Variants in PPARA observed in about 807,000 individuals in gnomAD.
The protein encoded by PPARA is peroxisome proliferator activated receptor alpha.
In PPARA, 22 loss-of-function variants were observed where a neutral mutation model predicts 42.2. The ratio of observed to expected loss-of-function variants is 0.52; its 90% CI spans 0.37 to 0.74. PPARA has a LOEUF of 0.74. Among genes scored for constraint, PPARA ranks in the 30% least tolerant of loss-of-function variants. The probability of loss-of-function intolerance (pLI) is 0.00; values close to 1 mark genes in which losing one functional copy is unlikely to be tolerated. For missense variants in PPARA, 465 were observed against 608.2 expected (o/e 0.76, Z 2.48); for synonymous variants, 242 against 239.3 (o/e 1.01, Z -0.10).
In PPARA at chr22:46,174,266, G is replaced by A. The variant is rs5769243; in HGVS notation, c.-126-2487G>A. ...AGAAAGAAAGAAGGAAGGAAGGAAG[G>A]AAGGAAGGAAATTATGATAAAGCAG... On this transcript the variant is annotated intron_variant, in intron 2 of 8. Coordinates refer to ENST00000407236, the MANE Select transcript of PPARA (RefSeq NM_005036.6). 5.4e-3 allele frequency among the ~76,000 whole-genome samples: 349 copies of A among 64,572 alleles called. 28 individuals are homozygous for A. The highest frequency in any genetic ancestry group is 0.016 in the South Asian group (15 of 944). 42.4% of individuals were successfully genotyped at this position (64,572 alleles called of 152,430 possible). A position where few individuals can be genotyped will look rare whatever the true frequency, so the allele number is the denominator to read the frequency against.
At chr22:46,210,323 A>AC (rs1933804626) in intron 4 of PPARA, among the ~76,000 whole-genome samples, 1 of 151,892 alleles carries the variant, frequency 6.6e-6, no homozygotes, top group South Asian at 2.1e-4. Flanking sequence ...AAAAAAAAAA[A>AC]AAAAAACTCT....
rs1935997349 is a variant in PPARA at position 46,233,098 on chromosome 22, AT to A, written c.1159+860del. 6.6e-6 allele frequency among the ~76,000 whole-genome samples: 1 copy of A among 151,798 alleles called. No homozygotes were observed. The highest frequency in any genetic ancestry group is 1.5e-5 in the Non-Finnish European group (1 of 67,964). ...ATTATGATATTCCTGTATATATTATATAATGATGTTGTATTCATATTATAGA... is the reference window on the plus strand; with the variant it reads ...ATTATGATATTCCTGTATATATTATAAATGATGTTGTATTCATATTATAGA... On this transcript the variant is annotated intron_variant, in intron 8 of 8. Transcript: ENST00000407236. The surrounding 1 kb of genome is among the most constrained non-coding windows in gnomAD (Gnocchi z 7.3).
rs1381728983 is a variant in PPARA, at chr22:46,224,176, C to T, written c.711+4162C>T. On this transcript the variant is annotated intron_variant, in intron 7 of 8. Coordinates refer to ENST00000407236, the MANE Select transcript of PPARA (RefSeq NM_005036.6). This position sits in a 1 kb window ranked among gnomAD's most constrained non-coding sequence, Gnocchi z 5.7. ...CACTGTTTGCTCCAAGCCAGGGTTG[C>T]GTCCCACCCCATGTCCTTGTCTGCG... is the stretch of plus-strand genomic sequence containing the variant. Among the ~76,000 whole-genome samples, 51 of 152,208 alleles carry T rather than the reference C, an allele frequency of 3.4e-4. 1 individual carries two copies. Among genetic ancestry groups the T allele is most frequent in the Admixed American group, 3.0e-3 (46 of 15,278 alleles).
chr22:46,151,426 C>T (rs1313247946), intron 1 of PPARA, among the ~76,000 whole-genome samples: 1 of 152,238 alleles, frequency 6.6e-6, no homozygotes, highest in Admixed American at 6.5e-5. Context: ...GCGGGTGAAG[C>T]TGGAGGGGCG....
chr22:46,189,426 T>G (rs1398175942), intron 3 of PPARA, among the ~76,000 whole-genome samples: 1 of 152,234 alleles, frequency 6.6e-6, no homozygotes, highest in African/African-American at 2.4e-5. Context: ...TTGTCACTCT[T>G]GTTTATGTGC....
At chr22:46,152,711 A>T (rs1924627239) in intron 2 of PPARA, among the ~76,000 whole-genome samples, 1 of 152,178 alleles carries the variant, frequency 6.6e-6, no homozygotes, top group African/African-American at 2.4e-5. Flanking sequence ...GCCAGATGAT[A>T]CAAATTTGTG....
In PPARA at chr22:46,222,520, G is replaced by C. The variant is rs1055689629; in HGVS notation, c.711+2506G>C. Among the ~76,000 whole-genome samples, 1 of 152,094 alleles carries C rather than the reference G, an allele frequency of 6.6e-6. No homozygotes were observed. The highest frequency in any genetic ancestry group is 1.5e-5 in the Non-Finnish European group (1 of 68,030). ...CTTCAGTGAATTCTCCAATTAAATA[G>C]GCCGAGACATTTTAGAAGTTTCCAG... is the stretch of plus-strand genomic sequence containing the variant. On this transcript the variant is annotated intron_variant, in intron 7 of 8. Coordinates refer to ENST00000407236, the MANE Select transcript of PPARA (RefSeq NM_005036.6). The surrounding 1 kb of genome is among the most constrained non-coding windows in gnomAD (Gnocchi z 5.9).
intron 2 of PPARA, among the ~76,000 whole-genome samples, chr22:46,168,886 A>G (rs1425193347): frequency 6.6e-6 from 1 of 151,994 alleles, no homozygotes; most frequent in Non-Finnish European, 1.5e-5. Context: ...TACCACTTAC[A>G]TTATTATCGA....
chr22:46,229,063 C>T (rs1036907895), intron 7 of PPARA, among the ~76,000 whole-genome samples: 4 of 150,488 alleles, frequency 2.7e-5, no homozygotes, highest in Admixed American at 6.6e-5. Flanking sequence ...GCCAAGATCA[C>T]GCCACTGCAC....
At chr22:46,223,564 A>C (rs998546758) in intron 7 of PPARA, among the ~76,000 whole-genome samples, 1 of 149,990 alleles carries the variant, frequency 6.7e-6, no homozygotes, top group African/African-American at 2.5e-5. Context: ...AATTGCTTGA[A>C]CCTGGAAGGC....
chr22:46,189,714 T>G (rs1444093886), intron 3 of PPARA, among the ~76,000 whole-genome samples: 1 of 148,754 alleles, frequency 6.7e-6, no homozygotes, highest in Non-Finnish European at 1.5e-5. Flanking sequence ...TTTTTTTTCT[T>G]TTTTTTTTTT....
At position 46,231,675 on chromosome 22, in the gene PPARA, T is replaced by C. The variant is rs1935881980; in HGVS notation, c.712-117T>C. 5 of 1,048,908 alleles carry C rather than the reference T, an allele frequency of 4.8e-6. No individual in the cohort carries two copies. The South Asian group carries it at 6.8e-5, about 14-fold the overall frequency. The allele number at this position is 1,048,908 out of a possible 1,614,324, so 65.0% of individuals were successfully genotyped here. A position where few individuals can be genotyped will look rare whatever the true frequency, so the allele number is the denominator to read the frequency against. ...GACTATGTTCCGCGGGTATCTTGAG[T>C]CCTCTGAGGCACTGAGCTTGGTGAT... On this transcript the variant is annotated intron_variant, in intron 7 of 8. Transcript: ENST00000407236. The surrounding 1 kb of genome is among the most constrained non-coding windows in gnomAD (Gnocchi z 7.7).
chr22:46,235,194 G>T lies in PPARA; in HGVS notation c.1221G>T (p.Val407=). ...IEKMQEGIVH[V]LRLHLQSNHP... ...AAATGCAGGAGGGTATTGTACATGTGCTCAGACTCCACCTGCAGAGCAACC... is the reference window on the plus strand; with the variant it reads ...AAATGCAGGAGGGTATTGTACATGTTCTCAGACTCCACCTGCAGAGCAACC... The change falls in exon 9 of 9, where the codon GTG becomes GTT. Residue 407 remains valine, a synonymous_variant. Coordinates refer to ENST00000407236, the MANE Select transcript of PPARA (RefSeq NM_005036.6). The surrounding 1 kb of genome is among the most constrained non-coding windows in gnomAD (Gnocchi z 7.0). 1 of 1,614,058 alleles carries T rather than the reference G, an allele frequency of 6.2e-7. No individual in the cohort carries two copies. The highest frequency in any genetic ancestry group is 8.5e-7 in the Non-Finnish European group (1 of 1,179,980).
rs1350556351 is a variant in PPARA, at chr22:46,237,125, A to G, written c.*1745A>G. On this transcript the variant is annotated 3_prime_UTR_variant, in exon 9 of 9. Transcript: ENST00000407236. This position sits in a 1 kb window ranked among gnomAD's most constrained non-coding sequence, Gnocchi z 6.7. ...GATGCCTCTCCCCCATCTTTAGAAA[A>G]TTTGGCTCTTCTGAGGTCATTATTA... The G allele has an allele frequency of 6.6e-6, 1 of 152,096 alleles. No individual in the cohort carries two copies. Among genetic ancestry groups the G allele is most frequent in the African/African-American group, 2.4e-5 (1 of 41,400 alleles). 9.4% of individuals were successfully genotyped at this position (152,096 alleles called of 1,614,324 possible).
rs530457381 is a variant in PPARA at position 46,161,500 on chromosome 22, C to G, written c.-127+9530C>G. On this transcript the variant is annotated intron_variant, in intron 2 of 8. Coordinates refer to ENST00000407236, the MANE Select transcript of PPARA (RefSeq NM_005036.6). The surrounding 1 kb of genome is among the most constrained non-coding windows in gnomAD (Gnocchi z 4.8). ...ACTCGGGAGGCTGAGGCAGGAGAATCACTTGAACCCGGGAGGCGGAGGCTG... is the reference window on the plus strand; with the variant it reads ...ACTCGGGAGGCTGAGGCAGGAGAATGACTTGAACCCGGGAGGCGGAGGCTG... Among the ~76,000 whole-genome samples the G allele has an allele frequency of 6.6e-6, 1 of 152,244 alleles. No homozygotes were observed. Among genetic ancestry groups the G allele is most frequent in the East Asian group, 1.9e-4 (1 of 5,182 alleles).
At position 46,237,657 on chromosome 22, in the gene PPARA, T is replaced by C. The variant is rs1936260906; in HGVS notation, c.*2277T>C. On this transcript the variant is annotated 3_prime_UTR_variant, in exon 9 of 9. Transcript: ENST00000407236. The surrounding 1 kb of genome is among the most constrained non-coding windows in gnomAD (Gnocchi z 6.7). ...AATCAAAGGGGCTGTTGGCCAGCAA[T>C]GGCAGCAGCAGCGGCGGGCAGTCTG... 6.7e-6 allele frequency: 1 copy of C among 150,182 alleles called. No individual in the cohort carries two copies. The highest frequency in any genetic ancestry group is 1.5e-5 in the Non-Finnish European group (1 of 67,830). 9.3% of individuals were successfully genotyped at this position (150,182 alleles called of 1,614,324 possible).
At chr22:46,189,531 C>T (rs4253698) in intron 3 of PPARA, among the ~76,000 whole-genome samples, 9,527 of 152,112 alleles carry the variant, frequency 0.063, 582 homozygotes, top group African/African-American at 0.16. Context: ...GATATGCAAA[C>T]TATTTATGAT....
chr22:46,209,459 C>T (rs564063490), intron 4 of PPARA, among the ~76,000 whole-genome samples: 10 of 139,090 alleles, frequency 7.2e-5, no homozygotes, highest in African/African-American at 2.5e-4. Flanking sequence ...TACATTAGGC[C>T]ACTTGAAGTT....
intron 2 of PPARA, among the ~76,000 whole-genome samples, chr22:46,153,720 A>G (rs1411604066): frequency 2.6e-5 from 4 of 152,016 alleles, no homozygotes; most frequent in Non-Finnish European, 4.4e-5. Flanking sequence ...TTAGCTGGGC[A>G]TGGTGGCGGG....
Sources: allele counts gnomAD v4.1 joint callset (sites outside exome capture counted in the v4.1 genomes callset), GRCh38; gene constraint gnomAD v4.1.1; non-coding constraint Gnocchi (gnomAD v3.1); transcripts MANE v1.5; gene names NCBI Gene and HGNC (gene_info 2026-07-23, HGNC 2026-07-21).